The following CEP57L1 variants were observed in gnomAD, a reference collection of about 807,000 sequenced individuals.
CEP57L1 encodes the protein centrosomal protein CEP57L1.
A neutral mutation model predicts 61.0 loss-of-function variants in CEP57L1; 37 were observed. The ratio of observed to expected loss-of-function variants is 0.61; its 90% confidence interval spans 0.47 to 0.80. The LOEUF is 0.80. Among genes scored for constraint, CEP57L1 ranks in the 30% least tolerant of loss-of-function variants. CEP57L1 has a pLI of 0.00. For missense variants in CEP57L1, 422 were observed against 524.7 expected (o/e 0.80, Z 1.91); for synonymous variants, 137 against 162.3 (o/e 0.84, Z 1.19).
intron 1 of CEP57L1, among the ~76,000 whole-genome samples, chr6:109,097,239 C>G (rs1426121546): frequency 2.0e-5 from 3 of 152,192 alleles, no homozygotes; most frequent in African/African-American, 7.2e-5. Context: ...TTTCTCTCCA[C>G]CTGTCTTCAA....
intron 1 of CEP57L1, among the ~76,000 whole-genome samples, chr6:109,103,939 A>G (rs1478386054): frequency 6.6e-6 from 1 of 152,036 alleles, no homozygotes; most frequent in Non-Finnish European, 1.5e-5. Flanking sequence ...AAAGCATTAC[A>G]TATTTCAAAC....
chr6:109,166,409 A>C lies in CEP57L1; in HGVS notation c.*3439A>C, dbSNP rs1774107029. Among the ~76,000 whole-genome samples the C allele has an allele frequency of 7.2e-6, 1 of 138,798 alleles. No individual in the cohort carries two copies. Among genetic ancestry groups the C allele is most frequent in the African/African-American group, 2.8e-5 (1 of 36,080 alleles). 91.1% of individuals were successfully genotyped at this position (138,798 alleles called of 152,430 possible). ...TTTTTTTTTTTTTTGGTGGGCATGG[A>C]GTCTCGCTGTGTCACCCAGGCTAGA... On this transcript the variant is annotated 3_prime_UTR_variant, in exon 11 of 11. Coordinates refer to ENST00000517392, the MANE Select transcript of CEP57L1 (RefSeq NM_001271852.3).
chr6:109,149,444 T>A (rs1772338276), intron 3 of CEP57L1, among the ~76,000 whole-genome samples: 1 of 152,242 alleles, frequency 6.6e-6, no homozygotes, highest in African/African-American at 2.4e-5. Flanking sequence ...TGCGGCATTA[T>A]TTCTGAGGGC....
intron 1 of CEP57L1, among the ~76,000 whole-genome samples, chr6:109,101,371 A>T (rs1046591248): frequency 3.3e-5 from 5 of 151,962 alleles, no homozygotes; most frequent in Non-Finnish European, 5.9e-5. Context: ...ATGGCTTGGG[A>T]GCTCATTTGT....
At chr6:109,121,258 C>T (rs911483492) in intron 1 of CEP57L1, among the ~76,000 whole-genome samples, 5 of 152,134 alleles carry the variant, frequency 3.3e-5, no homozygotes, top group Admixed American at 3.3e-4. Flanking sequence ...AGTCATCTAG[C>T]AACTCATTTG....
intron 1 of CEP57L1, among the ~76,000 whole-genome samples, chr6:109,109,512 A>G (rs923307124): frequency 5.9e-5 from 9 of 152,174 alleles, no homozygotes; most frequent in African/African-American, 1.4e-4. Context: ...TTGTAGATCT[A>G]TAACATTTAA....
At chr6:109,095,242 G>C, upstream of CEP57L1, 1 of 985,552 alleles carries the variant, frequency 1.0e-6, no homozygotes, top group Non-Finnish European at 1.2e-6. Context: ...TGGAGAAGGG[G>C]AAGGAAAAAG....
intron 1 of CEP57L1, among the ~76,000 whole-genome samples, chr6:109,114,927 G>A (rs1323002911): frequency 6.6e-6 from 1 of 152,002 alleles, no homozygotes; most frequent in Non-Finnish European, 1.5e-5. Flanking sequence ...ATTCCACAAT[G>A]TATACATGTA....
At chr6:109,159,906 C>G (rs372393596) in intron 9 of CEP57L1, among the ~76,000 whole-genome samples, 47 of 152,080 alleles carry the variant, frequency 3.1e-4, no homozygotes, top group African/African-American at 1.1e-3. Flanking sequence ...GACAGGCTCT[C>G]CTTTTGTGTT....
At chr6:109,132,410 G>C (rs1774294437) in intron 1 of CEP57L1, among the ~76,000 whole-genome samples, 1 of 152,086 alleles carries the variant, frequency 6.6e-6, no homozygotes, top group Admixed American at 6.6e-5. Context: ...TCACCCAACA[G>C]TTTTCTAAGA....
rs755023514 is a variant in CEP57L1 at position 109,146,754 on chromosome 6, A to G, written c.161-4A>G. 6.5e-6 allele frequency: 10 copies of G among 1,541,124 alleles called. No individual in the cohort carries two copies. Among genetic ancestry groups the G allele is most frequent in the Non-Finnish European group, 7.8e-6 (9 of 1,149,488 alleles). On this transcript the variant is annotated splice_region_variant and splice_polypyrimidine_tract_variant and intron_variant, in intron 2 of 10. Coordinates refer to ENST00000517392, the MANE Select transcript of CEP57L1 (RefSeq NM_001271852.3). Reference sequence around the variant, plus strand: ...AAAATATCAACAAAATTTTTTTTCAACAGCTCTTATTTTAGCCTTAAAAAC... The same window carrying G: ...AAAATATCAACAAAATTTTTTTTCAGCAGCTCTTATTTTAGCCTTAAAAAC...
chr6:109,147,369 A>G (rs1331745110), intron 3 of CEP57L1, among the ~76,000 whole-genome samples: 1 of 152,162 alleles, frequency 6.6e-6, no homozygotes, highest in African/African-American at 2.4e-5. Flanking sequence ...ATACAAAAGA[A>G]TTTTATTTAA....
At chr6:109,156,116 ACAAC>A (rs1165356666) in intron 7 of CEP57L1, 2 of 313,728 alleles carry the variant, frequency 6.4e-6, no homozygotes, top group Non-Finnish European at 5.9e-6. Flanking sequence ...AGTTTGCTTG[ACAAC>A]CAAAGCAAAA....
chr6:109,147,018 G>A, intron 3 of CEP57L1, 81 bp downstream of exon 3: 1 of 1,087,710 alleles, frequency 9.2e-7, no homozygotes, highest in Non-Finnish European at 1.3e-6. Flanking sequence ...CTAAGCCGAT[G>A]TACTCAGATA....
At position 109,171,476 on chromosome 6, in the gene CEP57L1, C is replaced by T. The variant is rs1176836666; in HGVS notation, c.*8506C>T. On this transcript the variant is annotated 3_prime_UTR_variant, in exon 11 of 11. Transcript: ENST00000517392. ...GCCAGGCTGGTCTCGAACTCCTGAC[C>T]TTAGGTGAACTGCCCGCCTCAGCCT... is the stretch of plus-strand genomic sequence containing the variant. 6.6e-6 allele frequency among the ~76,000 whole-genome samples: 1 copy of T among 151,894 alleles called. No homozygotes were observed. Among genetic ancestry groups the T allele is most frequent in the Non-Finnish European group, 1.5e-5 (1 of 67,990 alleles).
chr6:109,141,296 G>A (rs1216070356), intron 1 of CEP57L1, among the ~76,000 whole-genome samples: 5 of 151,588 alleles, frequency 3.3e-5, no homozygotes, highest in Non-Finnish European at 5.9e-5. Flanking sequence ...GCTCACTGCA[G>A]CCTCCACCTC....
intron 1 of CEP57L1, among the ~76,000 whole-genome samples, chr6:109,097,551 A>G (rs1781852585): frequency 6.6e-6 from 1 of 152,124 alleles, no homozygotes; most frequent in African/African-American, 2.4e-5. Context: ...TACTCAACAA[A>G]TCTCTGTTGA....
rs1296753477 is a variant in CEP57L1 at position 109,169,395 on chromosome 6, G to C, written c.*6425G>C. 6.6e-6 allele frequency among the ~76,000 whole-genome samples: 1 copy of C among 152,070 alleles called. No individual in the cohort carries two copies. Among genetic ancestry groups the C allele is most frequent in the South Asian group, 2.1e-4 (1 of 4,826 alleles). ...GTATTCAGTGAGAATGAATTTGAAG[G>C]GTGTGGAGAAAAGTGGAATAGCCAA... On this transcript the variant is annotated 3_prime_UTR_variant, in exon 11 of 11. Coordinates refer to ENST00000517392, the MANE Select transcript of CEP57L1 (RefSeq NM_001271852.3).
At chr6:109,113,112 TAA>T (rs1771864691) in intron 1 of CEP57L1, among the ~76,000 whole-genome samples, 1 of 152,166 alleles carries the variant, frequency 6.6e-6, no homozygotes, top group South Asian at 2.1e-4. Flanking sequence ...GGTGGGGTGT[TAA>T]AGTCTCCCAC....
Sources: gnomAD v4.1 joint callset for allele counts (sites outside exome capture counted in the v4.1 genomes callset) on GRCh38, gnomAD v4.1.1 for gene constraint, MANE v1.5 for transcripts, NCBI Gene and HGNC (gene_info 2026-07-23, HGNC 2026-07-21) for gene names.